The following BANK1 variants were observed in gnomAD, a reference collection of about 807,000 sequenced individuals.
BANK1 encodes B-cell scaffold protein with ankyrin repeats.
A neutral mutation model predicts 94.5 loss-of-function variants in BANK1; 95 were observed. That is an observed-to-expected ratio of 1.00 (90% CI 0.85 to 1.19). The LOEUF is 1.19. Among genes scored for constraint, BANK1 ranks in the 50% most tolerant of loss-of-function variants. The probability of loss-of-function intolerance (pLI) is 0.00; values close to 1 mark genes in which losing one functional copy is unlikely to be tolerated. For synonymous variants in BANK1, 334 were observed against 308.4 expected, an observed-to-expected ratio of 1.08 and a Z score of -0.87; for missense variants, 987 against 932.2, an observed-to-expected ratio of 1.06 and a Z score of -0.77.
intron 7 of BANK1, among the ~76,000 whole-genome samples, chr4:101,952,416 A>G (rs917108359): frequency 6.6e-6 from 1 of 152,152 alleles, no homozygotes; most frequent in African/African-American, 2.4e-5. Context: ...GAAGTTTTCT[A>G]AAGACAAGAA....
intron 10 of BANK1, among the ~76,000 whole-genome samples, chr4:102,043,428 A>G (rs1727769496): frequency 6.6e-6 from 1 of 152,068 alleles, no homozygotes; most frequent in Admixed American, 6.6e-5. Context: ...CTTTTTACCT[A>G]TTTAAGGAGA....
chr4:101,959,463 G>A (rs1724491082), intron 7 of BANK1, among the ~76,000 whole-genome samples: 1 of 152,098 alleles, frequency 6.6e-6, no homozygotes, highest in African/African-American at 2.4e-5. Flanking sequence ...CTGAGGTTCT[G>A]ATGTATACAG....
At chr4:101,907,453 GAAT>G (rs1722492871) in intron 6 of BANK1, among the ~76,000 whole-genome samples, 1 of 152,182 alleles carries the variant, frequency 6.6e-6, no homozygotes, top group Non-Finnish European at 1.5e-5. Context: ...ATATCATACT[GAAT>G]GGGGAAAAAC....
rs1560721831 is a variant in BANK1 at position 102,073,741 on chromosome 4, T to TAAAG, written c.*1_*4dup. On this transcript the variant is annotated frameshift_variant and stop_retained_variant, in exon 16 of 17. Coordinates refer to ENST00000322953, the MANE Select transcript of BANK1 (RefSeq NM_017935.5). LOFTEE classifies it high-confidence loss of function. The stretch of plus-strand genomic sequence containing the variant: ...TGGTTTCTGTTGCAAGAAAGATCAT[T>TAAAG]AAAGAAGGTAAAATATTAGCTGTGT... 2 of 1,608,908 alleles carry TAAAG rather than the reference T, an allele frequency of 1.2e-6. No homozygotes were observed. The highest frequency in any genetic ancestry group is 3.3e-5 in the Admixed American group (2 of 59,716).
At position 101,807,542 on chromosome 4, in the gene BANK1, C is replaced by T. The variant is rs183235087; in HGVS notation, c.70+16592C>T. Among the ~76,000 whole-genome samples, 13 of 152,202 alleles carry T rather than the reference C, an allele frequency of 8.5e-5. No homozygotes were observed. The East Asian group carries it at 2.1e-3, about 25-fold the overall frequency. ...TCTGTGACTGCCTGCCACTATGTCTCCTGGAGATTGGATCCCTTCCACTGT... is the reference window on the plus strand; with the variant it reads ...TCTGTGACTGCCTGCCACTATGTCTTCTGGAGATTGGATCCCTTCCACTGT... On this transcript the variant is annotated intron_variant, in intron 1 of 16. Coordinates refer to ENST00000322953, the MANE Select transcript of BANK1 (RefSeq NM_017935.5).
At chr4:101,852,501 TATACAC>T (rs55763046) in intron 2 of BANK1, among the ~76,000 whole-genome samples, 21,623 of 118,574 alleles carry the variant, frequency 0.18, 1,608 homozygotes, top group Non-Finnish European at 0.22. Context: ...TATATATATA[TATACAC>T]ACACACATAT....
chr4:101,840,792 T>C (rs1372355946), intron 2 of BANK1, among the ~76,000 whole-genome samples: 2 of 152,202 alleles, frequency 1.3e-5, no homozygotes, highest in Non-Finnish European at 2.9e-5. Context: ...TTTCTGTGTG[T>C]GTGTCTTGAA....
intron 7 of BANK1, among the ~76,000 whole-genome samples, chr4:101,939,462 A>G (rs1341824665): frequency 1.3e-5 from 2 of 151,734 alleles, no homozygotes; most frequent in Non-Finnish European, 2.9e-5. Flanking sequence ...CTTCCCAACA[A>G]AATAACTCAG....
Position 101,790,946 on chromosome 4 carries a change from C to G in BANK1, c.66C>G (p.Pro22=). The change falls in exon 1 of 17, where the codon CCC becomes CCG. Residue 22 remains proline, a synonymous_variant. Transcript: ENST00000322953. ...SPDPAPCGPA[P]PGNTKDIIMI... ...ACCCCGCCCCCTGCGGCCCAGCGCC[C>G]CCAGGTGGGTAGTCGCGCATTCGGA... 6.6e-7 allele frequency: 1 copy of G among 1,519,040 alleles called. No homozygotes were observed. The highest frequency in any genetic ancestry group is 8.8e-7 in the Non-Finnish European group (1 of 1,139,242). 94.1% of individuals were successfully genotyped at this position (1,519,040 alleles called of 1,614,324 possible). A position where few individuals can be genotyped will look rare whatever the true frequency, so the allele number is the denominator to read the frequency against.
At chr4:101,986,893 GTGTGTGTATA>G (rs1209782691) in intron 7 of BANK1, among the ~76,000 whole-genome samples, 1 of 90,854 alleles carries the variant, frequency 1.1e-5, no homozygotes, top group Admixed American at 1.0e-4. Flanking sequence ...GTGTGTGTGT[GTGTGTGTATA>G]TATATATATA....
intron 1 of BANK1, among the ~76,000 whole-genome samples, chr4:101,825,649 G>T (rs892716396): frequency 9.9e-5 from 15 of 151,904 alleles, no homozygotes; most frequent in African/African-American, 3.6e-4. Context: ...ATTAAATGAG[G>T]TAATACATGT....
chr4:101,991,114 A>G (rs1434430017), intron 7 of BANK1, among the ~76,000 whole-genome samples: 2 of 152,180 alleles, frequency 1.3e-5, no homozygotes, highest in Non-Finnish European at 2.9e-5. Flanking sequence ...GAAGGCTTAC[A>G]ATAGTCATGT....
At chr4:102,007,156 A>ATATATATATATATATATATATATATTT (rs1560682370) in intron 7 of BANK1, among the ~76,000 whole-genome samples, 1 of 114,742 alleles carries the variant, frequency 8.7e-6, no homozygotes, top group African/African-American at 3.3e-5. Context: ...TTATATATAT[A>ATATATATATATATATATATATATATTT]TATATATATA....
At chr4:101,876,248 T>C (rs1560612430) in intron 5 of BANK1, among the ~76,000 whole-genome samples, 2 of 152,140 alleles carry the variant, frequency 1.3e-5, no homozygotes, top group African/African-American at 4.8e-5. Context: ...GTGAGACTCA[T>C]CACATTCCCA....
chr4:102,026,716 G>A (rs994840301), intron 9 of BANK1, among the ~76,000 whole-genome samples: 1 of 151,752 alleles, frequency 6.6e-6, no homozygotes, highest in Non-Finnish European at 1.5e-5. Context: ...CAGCAACTGG[G>A]GAGGCTGAGG....
chr4:101,805,998 G>A (rs1293190906), intron 1 of BANK1, among the ~76,000 whole-genome samples: 1 of 151,924 alleles, frequency 6.6e-6, no homozygotes, highest in Non-Finnish European at 1.5e-5. Flanking sequence ...TCTAGGGCAA[G>A]TAGAGAGAAA....
intron 7 of BANK1, among the ~76,000 whole-genome samples, chr4:101,942,130 TGACTACCAGCCTC>T (rs1723770770): frequency 6.6e-6 from 1 of 151,878 alleles, no homozygotes; most frequent in African/African-American, 2.4e-5. Context: ...AACATCTGGG[TGACTACCAGCCTC>T]AGCATTTTGC....
At chr4:102,047,066 T>G (rs1372158631) in intron 11 of BANK1, among the ~76,000 whole-genome samples, 3 of 152,144 alleles carry the variant, frequency 2.0e-5, no homozygotes, top group Admixed American at 6.6e-5. Context: ...GTCAGGCTCC[T>G]TTTTTGCCAT....
intron 1 of BANK1, among the ~76,000 whole-genome samples, chr4:101,825,030 A>C (rs1420105045): frequency 2.6e-5 from 4 of 152,290 alleles, no homozygotes; most frequent in African/African-American, 9.6e-5. Context: ...GAATATAGTA[A>C]ATTTATAAAA....
Sources: gnomAD v4.1 joint callset for allele counts (sites outside exome capture counted in the v4.1 genomes callset) on GRCh38, gnomAD v4.1.1 for gene constraint, MANE v1.5 for transcripts, NCBI Gene and HGNC (gene_info 2026-07-23, HGNC 2026-07-21) for gene names.